The following CSRNP3 variants were observed in gnomAD, a reference collection of about 807,000 sequenced individuals.
CSRNP3 encodes cysteine/serine-rich nuclear protein 3.
Under a neutral mutation model 48.0 loss-of-function variants are expected in CSRNP3, and 12 were observed. The observed-to-expected ratio is 0.25, with a 90% CI of 0.16 to 0.41. The LOEUF (loss-of-function observed/expected upper bound fraction) is 0.41. Ranked by LOEUF, CSRNP3 falls within the 10% of genes least tolerant of loss-of-function variation. The pLI, the probability that CSRNP3 is intolerant of heterozygous loss-of-function variation, is 1.00. For synonymous variants in CSRNP3, 263 were observed against 269.7 expected, an observed-to-expected ratio of 0.98 and a Z score of 0.24; for missense variants, 580 against 724.4, an observed-to-expected ratio of 0.80 and a Z score of 2.29.
intron 4 of CSRNP3, among the ~76,000 whole-genome samples, chr2:165,620,281 A>G (rs1356324476): frequency 6.6e-6 from 1 of 152,164 alleles, no homozygotes; most frequent in Non-Finnish European, 1.5e-5. Context: ...AGAATCAAAC[A>G]TTGCCTGGAA....
intron 3 of CSRNP3, among the ~76,000 whole-genome samples, chr2:165,573,344 ATG>A (rs1685400893): frequency 6.6e-6 from 1 of 152,196 alleles, no homozygotes; most frequent in Non-Finnish European, 1.5e-5. Context: ...TAGAAAGATT[ATG>A]TGTCTTTATG....
At chr2:165,647,075 T>C (rs1686823740) in intron 4 of CSRNP3, among the ~76,000 whole-genome samples, 1 of 152,056 alleles carries the variant, frequency 6.6e-6, no homozygotes, top group Non-Finnish European at 1.5e-5. Context: ...TTATTTGGTT[T>C]AACGGCATCA....
At chr2:165,544,759 G>A (rs1004927093) in intron 3 of CSRNP3, among the ~76,000 whole-genome samples, 1 of 152,094 alleles carries the variant, frequency 6.6e-6, no homozygotes, top group Non-Finnish European at 1.5e-5. Context: ...TAGTTGTCCT[G>A]GGACATGCAG....
intron 3 of CSRNP3, among the ~76,000 whole-genome samples, chr2:165,557,114 G>T (rs1005614468): frequency 2.6e-5 from 4 of 152,104 alleles, no homozygotes; most frequent in African/African-American, 9.7e-5. Context: ...CTACCCATTT[G>T]TATATGGCCT....
intron 2 of CSRNP3, among the ~76,000 whole-genome samples, chr2:165,509,966 A>G (rs1684480181): frequency 6.6e-6 from 1 of 152,106 alleles, no homozygotes; most frequent in East Asian, 1.9e-4. Flanking sequence ...ATGTTCCTCA[A>G]TCTTAGTTTT....
At chr2:165,665,882 G>GAGGA (rs1558967091) in intron 5 of CSRNP3, among the ~76,000 whole-genome samples, 1 of 149,254 alleles carries the variant, frequency 6.7e-6, no homozygotes, top group African/African-American at 2.5e-5. Flanking sequence ...GAAAGAGAGA[G>GAGGA]AGGAAGGAAG....
chr2:165,582,858 G>A (rs907235502), intron 3 of CSRNP3, among the ~76,000 whole-genome samples: 3 of 152,152 alleles, frequency 2.0e-5, no homozygotes, highest in Non-Finnish European at 4.4e-5. Flanking sequence ...GTGATCTACC[G>A]CATATAAAGT....
At position 165,666,692 on chromosome 2, in the gene CSRNP3, T is replaced by TAAAA. The variant is rs1558967914; in HGVS notation, c.408+8674_408+8675insAAAA. Reference sequence around the variant, plus strand: ...GAAGGAAGGAAAGAGAGAGTGGTGTTAAGAGAGAGAGAAAGGAAGGAAGGA... The same window carrying TAAAA: ...GAAGGAAGGAAAGAGAGAGTGGTGTTAAAAAAGAGAGAGAGAAAGGAAGGAAGGA... On this transcript the variant is annotated intron_variant, in intron 5 of 6. Transcript: ENST00000651982. 8.7e-4 allele frequency among the ~76,000 whole-genome samples: 21 copies of TAAAA among 24,226 alleles called. 1 individual carries two copies. The highest frequency in any genetic ancestry group is 2.7e-3 in the African/African-American group (18 of 6,632). The allele number at this position is 24,226 out of a possible 152,430, so 15.9% of individuals were successfully genotyped here.
chr2:165,571,264 C>T (rs1244042717), intron 3 of CSRNP3, among the ~76,000 whole-genome samples: 4 of 151,696 alleles, frequency 2.6e-5, no homozygotes, highest in Non-Finnish European at 4.4e-5. Flanking sequence ...TGTTGCACTT[C>T]GCATGTATTT....
intron 3 of CSRNP3, among the ~76,000 whole-genome samples, chr2:165,552,255 A>G (rs1558932363): frequency 1.3e-5 from 2 of 152,360 alleles, no homozygotes; most frequent in South Asian, 2.1e-4. Context: ...CAATTAATGT[A>G]AATGTGTTAT....
intron 3 of CSRNP3, among the ~76,000 whole-genome samples, chr2:165,577,656 A>G (rs1685474374): frequency 6.6e-6 from 1 of 151,730 alleles, no homozygotes; most frequent in Admixed American, 6.6e-5. Context: ...CCAACACCAA[A>G]TAGCCTCTTA....
intron 2 of CSRNP3, among the ~76,000 whole-genome samples, chr2:165,513,525 T>A (rs546143198): frequency 6.6e-6 from 1 of 152,310 alleles, no homozygotes; most frequent in Non-Finnish European, 1.5e-5. Context: ...AGGAACAAGA[T>A]GACAGCCTTT....
intron 4 of CSRNP3, among the ~76,000 whole-genome samples, chr2:165,602,769 G>A (rs1685936412): frequency 6.6e-6 from 1 of 152,092 alleles, no homozygotes; most frequent in African/African-American, 2.4e-5. Flanking sequence ...TTCTGACTAA[G>A]TTCTATACCT....
intron 3 of CSRNP3, among the ~76,000 whole-genome samples, chr2:165,585,738 C>T (rs1685617136): frequency 6.6e-6 from 1 of 152,176 alleles, no homozygotes; most frequent in Admixed American, 6.5e-5. Flanking sequence ...CTCATGCCAC[C>T]TTGTAATGCA....
chr2:165,662,199 G>A (rs1687109690), intron 5 of CSRNP3, among the ~76,000 whole-genome samples: 1 of 59,338 alleles, frequency 1.7e-5, no homozygotes, highest in Non-Finnish European at 3.7e-5. Flanking sequence ...AAGTAGGAAT[G>A]TATGTTTTGA....
intron 3 of CSRNP3, among the ~76,000 whole-genome samples, chr2:165,542,691 A>C (rs1316668877): frequency 6.6e-6 from 1 of 152,138 alleles, no homozygotes; most frequent in Non-Finnish European, 1.5e-5. Flanking sequence ...CTTTAAATAC[A>C]TGTATGATTA....
At chr2:165,508,649 G>T (rs566602826) in intron 2 of CSRNP3, among the ~76,000 whole-genome samples, 2 of 151,950 alleles carry the variant, frequency 1.3e-5, no homozygotes, top group South Asian at 2.1e-4. Flanking sequence ...GTCAAAAAAT[G>T]GATTATATTT....
intron 4 of CSRNP3, among the ~76,000 whole-genome samples, chr2:165,633,851 A>G (rs1204317074): frequency 6.6e-6 from 1 of 152,108 alleles, no homozygotes; most frequent in Admixed American, 6.6e-5. Context: ...TTCCCCTTAC[A>G]ACCTCTGGGT....
At chr2:165,650,075 C>T (rs1249723609) in intron 4 of CSRNP3, among the ~76,000 whole-genome samples, 1 of 151,852 alleles carries the variant, frequency 6.6e-6, no homozygotes, top group Non-Finnish European at 1.5e-5. Flanking sequence ...GAAAATAGTC[C>T]CAATTAGTCT....
Sources: gnomAD v4.1 joint callset for allele counts (sites outside exome capture counted in the v4.1 genomes callset) on GRCh38, gnomAD v4.1.1 for gene constraint, MANE v1.5 for transcripts, NCBI Gene and HGNC (gene_info 2026-07-23, HGNC 2026-07-21) for gene names.